The following IFT52 variants were observed in gnomAD, a reference collection of about 807,000 sequenced individuals.
IFT52 encodes the protein intraflagellar transport 52.
IFT52 carries 44 observed loss-of-function variants against 54.4 expected under a neutral mutation model. The ratio of observed to expected loss-of-function variants is 0.81; its 90% CI spans 0.63 to 1.04. The LOEUF (loss-of-function observed/expected upper bound fraction) is 1.04, where lower values mean the gene tolerates loss of function less well. Ranked by LOEUF, IFT52 falls within the 50% of genes least tolerant of loss-of-function variation. The pLI is 0.00. For missense variants in IFT52, 452 were observed against 523.6 expected, an observed-to-expected ratio of 0.86 and a Z score of 1.33; for synonymous variants, 181 against 185.3, an observed-to-expected ratio of 0.98 and a Z score of 0.19.
chr20:43,620,221 A>G (rs1984187631), intron 8 of IFT52, among the ~76,000 whole-genome samples: 1 of 152,024 alleles, frequency 6.6e-6, no homozygotes. Flanking sequence ...CGGCCTAGGT[A>G]TTCTTCTTTT....
At chr20:43,624,495 T>C (rs1438343122) in intron 10 of IFT52, among the ~76,000 whole-genome samples, 2 of 152,140 alleles carry the variant, frequency 1.3e-5, no homozygotes, top group Admixed American at 6.6e-5. Context: ...CTCAGTCTAG[T>C]GCGGATGTGC....
At chr20:43,605,536 G>T (rs1461690760) in intron 6 of IFT52, among the ~76,000 whole-genome samples, 3 of 152,082 alleles carry the variant, frequency 2.0e-5, no homozygotes, top group Non-Finnish European at 1.5e-5. Flanking sequence ...AACAGAGCAA[G>T]ACTCCATCTC....
Position 43,636,023 on chromosome 20 carries a change from T to C in IFT52, c.1011+10T>C. The C allele has an allele frequency of 6.2e-7, 1 of 1,613,638 alleles. No individual in the cohort carries two copies. The highest frequency in any genetic ancestry group is 8.5e-7 in the Non-Finnish European group (1 of 1,179,598). On this transcript the variant is annotated intron_variant, in intron 11 of 13. Transcript: ENST00000373030. Reference sequence around the variant, plus strand: ...AACCCTTCAGCCTGCGGTGAGTAGGTGTGCTTGGGAGATCCCACTGCAGAG... The same window carrying C: ...AACCCTTCAGCCTGCGGTGAGTAGGCGTGCTTGGGAGATCCCACTGCAGAG...
At chr20:43,614,125 G>C in intron 7 of IFT52, 149 bp downstream of exon 7, 1 of 690,984 alleles carries the variant, frequency 1.4e-6, no homozygotes. Context: ...TATACATTTT[G>C]CTTATGGGGA....
At chr20:43,624,125 A>G in intron 10 of IFT52, 80 bp downstream of exon 10, 1 of 1,424,818 alleles carries the variant, frequency 7.0e-7, no homozygotes, top group Non-Finnish European at 9.7e-7. Flanking sequence ...GGGAACGGGA[A>G]TTAGGGTCAC....
intron 6 of IFT52, among the ~76,000 whole-genome samples, chr20:43,607,334 T>C (rs1482565503): frequency 7.4e-6 from 1 of 135,596 alleles, no homozygotes; most frequent in Non-Finnish European, 1.6e-5. Flanking sequence ...CCTCCCGGAC[T>C]GGGTGGCTGC....
chr20:43,637,268 C>CTTT lies in IFT52; in HGVS notation c.1120+24_1120+26dup. ...TACCAATAAGTGTAAGTTTGGCGAACTTTTTTTTTTTGAGACAGAGTTTCA... is the reference window on the plus strand; with the variant it reads ...TACCAATAAGTGTAAGTTTGGCGAACTTTTTTTTTTTTTTGAGACAGAGTTTCA... On this transcript the variant is annotated intron_variant, in intron 12 of 13. Transcript: ENST00000373030. The CTTT allele has an allele frequency of 1.7e-6, 2 of 1,188,126 alleles. No individual in the cohort carries two copies. The highest frequency in any genetic ancestry group is 1.1e-6 in the Non-Finnish European group (1 of 877,016). The allele number at this position is 1,188,126 out of a possible 1,614,324, so 73.6% of individuals were successfully genotyped here.
At chr20:43,610,558 C>A (rs1237481889) in intron 6 of IFT52, among the ~76,000 whole-genome samples, 3 of 151,664 alleles carry the variant, frequency 2.0e-5, no homozygotes, top group Admixed American at 6.6e-5. Context: ...ACGATGAAAC[C>A]CTGTCTCTAC....
intron 10 of IFT52, among the ~76,000 whole-genome samples, chr20:43,630,507 C>T (rs1262817095): frequency 3.3e-5 from 5 of 152,272 alleles, no homozygotes; most frequent in South Asian, 2.1e-4. Flanking sequence ...TAACATCTTT[C>T]AATAGTTTAT....
intron 6 of IFT52, among the ~76,000 whole-genome samples, chr20:43,608,932 TA>T (rs1285580698): frequency 2.0e-5 from 3 of 150,996 alleles, no homozygotes; most frequent in African/African-American, 4.9e-5. Flanking sequence ...AAAATGAAAT[TA>T]AAAAATAAAA....
chr20:43,623,720 C>T (rs913905637), intron 9 of IFT52, among the ~76,000 whole-genome samples, 171 bp from the exon 10 acceptor site: 2 of 152,166 alleles, frequency 1.3e-5, no homozygotes, highest in Non-Finnish European at 2.9e-5. Context: ...AGTTTTGTTC[C>T]TCTTTGCACA....
intron 6 of IFT52, among the ~76,000 whole-genome samples, chr20:43,610,349 G>A (rs562289234): frequency 6.6e-6 from 1 of 151,280 alleles, no homozygotes; most frequent in South Asian, 2.1e-4. Context: ...TCTTGGAGTA[G>A]GGAAGACCTT....
At chr20:43,606,740 G>C (rs1347649262) in intron 6 of IFT52, among the ~76,000 whole-genome samples, 1 of 152,122 alleles carries the variant, frequency 6.6e-6, no homozygotes, top group Non-Finnish European at 1.5e-5. Context: ...GCAGCCTTCC[G>C]CAGTGTTTGT....
intron 6 of IFT52, among the ~76,000 whole-genome samples, chr20:43,611,330 A>ACT (rs1983429973): frequency 6.7e-6 from 1 of 150,220 alleles, no homozygotes; most frequent in African/African-American, 2.5e-5. Flanking sequence ...TTTTAGGAAA[A>ACT]CTCTTTCTGA....
chr20:43,615,223 A>G (rs6093861), intron 7 of IFT52, among the ~76,000 whole-genome samples: 116,300 of 151,500 alleles, frequency 0.77, 44,865 homozygotes, highest in Non-Finnish European at 0.8. Context: ...TTGTATTTTA[A>G]TAGAGATGGG....
intron 6 of IFT52, among the ~76,000 whole-genome samples, chr20:43,611,505 A>C (rs1167460205): frequency 7.9e-6 from 1 of 126,862 alleles, no homozygotes; most frequent in East Asian, 2.3e-4. Flanking sequence ...GTGCAATGGC[A>C]CCATCTCATC....
chr20:43,633,657 G>A (rs1038864206), intron 10 of IFT52, among the ~76,000 whole-genome samples: 10 of 152,076 alleles, frequency 6.6e-5, no homozygotes, highest in African/African-American at 2.4e-4. Context: ...GCAGTGAGCT[G>A]AGATTGCACC....
intron 1 of IFT52, among the ~76,000 whole-genome samples, chr20:43,593,294 G>C (rs1037824390): frequency 4.6e-5 from 7 of 152,056 alleles, no homozygotes; most frequent in Admixed American, 2.6e-4. Context: ...TGGCAAACAT[G>C]ACAAAGACTG....
chr20:43,628,256 G>C (rs541301206), intron 10 of IFT52, among the ~76,000 whole-genome samples: 417 of 152,204 alleles, frequency 2.7e-3, no homozygotes, highest in Admixed American at 4.3e-3. Context: ...CAGAATCATG[G>C]ATCATTCAGT....
Sources: allele counts gnomAD v4.1 joint callset (sites outside exome capture counted in the v4.1 genomes callset), GRCh38; gene constraint gnomAD v4.1.1; transcripts MANE v1.5; gene names NCBI Gene and HGNC (gene_info 2026-07-23, HGNC 2026-07-21).